MEX3A: variants seen among roughly 807,000 people sequenced by gnomAD.
MEX3A encodes the protein RNA-binding protein MEX3A.
Under a neutral mutation model 30.0 loss-of-function variants are expected in MEX3A, and 4 were observed. The observed-to-expected ratio is 0.13, with a 90% CI of 0.07 to 0.30. MEX3A has a LOEUF of 0.30. MEX3A is among the 10% of genes least tolerant of loss of function. The pLI is 1.00. For missense variants in MEX3A, 555 were observed against 736.7 expected, an observed-to-expected ratio of 0.75 and a Z score of 2.86; for synonymous variants, 335 against 327.6, an observed-to-expected ratio of 1.02 and a Z score of -0.24.
At position 156,076,763 on chromosome 1, in the gene MEX3A, G is replaced by A. The variant is rs932897145; in HGVS notation, c.1374C>T (p.Gly458=). The A allele has an allele frequency of 3.8e-6, 6 of 1,595,304 alleles. No homozygotes were observed. The East Asian group carries it at 9.1e-5, about 24-fold the overall frequency. Residue 458 remains glycine, a synonymous_variant, in exon 2 of 2, where the codon GGC becomes GGT. Transcript: ENST00000532414. This position sits in a 1 kb window ranked among gnomAD's most constrained non-coding sequence, Gnocchi z 6.0. ...PLQGFSKLGG[G]GLRSPGGGRD... ...GCCCGCCGCCGGGGCTCCGCAGGCC[G>A]CCCCCACCAAGTTTAGAGAAGCCCT...
rs942091656 is a variant in MEX3A at position 156,072,070 on chromosome 1, C to T, written c.*4504G>A. The T allele has an allele frequency of 1.3e-5, 2 of 152,780 alleles. No homozygotes were observed. Among genetic ancestry groups the T allele is most frequent in the South Asian group, 4.1e-4 (2 of 4,832 alleles). 9.5% of individuals were successfully genotyped at this position (152,780 alleles called of 1,614,324 possible). On this transcript the variant is annotated 3_prime_UTR_variant, in exon 2 of 2. Transcript: ENST00000532414. ...CTTAATAGCACATTTAATACATTAA[C>T]CCTCCCCCTTCTTGGTTTCTCTGCA... is the stretch of plus-strand genomic sequence containing the variant.
Position 156,073,294 on chromosome 1 carries a change from CCT to C in MEX3A, c.*3278_*3279del, listed in dbSNP as rs1037984165. On this transcript the variant is annotated 3_prime_UTR_variant, in exon 2 of 2. Transcript: ENST00000532414. ...CTCCTCTGCTGCCCCCAACCCAGCC[CCT>C]GTCTTATTGAGATGATCAGTGTGCA... 3.9e-5 allele frequency: 6 copies of C among 152,796 alleles called. No homozygotes were observed. The highest frequency in any genetic ancestry group is 7.2e-5 in the African/African-American group (3 of 41,422). The allele number at this position is 152,796 out of a possible 1,614,324, so 9.5% of individuals were successfully genotyped here.
At position 156,082,170 on chromosome 1, in the gene MEX3A, C is replaced by G. The variant is rs1407322090; in HGVS notation, c.-172G>C. 6.6e-6 allele frequency among the ~76,000 whole-genome samples: 1 copy of G among 150,854 alleles called. No homozygotes were observed. The highest frequency in any genetic ancestry group is 1.5e-5 in the Non-Finnish European group (1 of 67,510). ...CGAGATAGAAAGATAGACCCTCCCC[C>G]TAAGCCCCCCTCCCCAAACACCCTG... On this transcript the variant is annotated 5_prime_UTR_variant, in exon 1 of 2. Coordinates refer to ENST00000532414, the MANE Select transcript of MEX3A (RefSeq NM_001093725.2).
rs1247996352 is a variant in MEX3A at position 156,073,002 on chromosome 1, G to C, written c.*3572C>G. On this transcript the variant is annotated 3_prime_UTR_variant, in exon 2 of 2. Coordinates refer to ENST00000532414, the MANE Select transcript of MEX3A (RefSeq NM_001093725.2). ...CTAAGTGGAAAGCTGGATGGGAACA[G>C]GGGTAGGGGACTGATCGCCTCAGTG... is the stretch of plus-strand genomic sequence containing the variant. 1 of 152,442 alleles carries C rather than the reference G, an allele frequency of 6.6e-6. No individual in the cohort carries two copies. Among genetic ancestry groups the C allele is most frequent in the African/African-American group, 2.4e-5 (1 of 41,458 alleles). The allele number at this position is 152,442 out of a possible 1,614,324, so 9.4% of individuals were successfully genotyped here. A position where few individuals can be genotyped will look rare whatever the true frequency, so the allele number is the denominator to read the frequency against.
chr1:156,079,046 C>T (rs979882946), intron 1 of MEX3A, among the ~76,000 whole-genome samples: 1 of 152,142 alleles, frequency 6.6e-6, no homozygotes, highest in South Asian at 2.1e-4. Flanking sequence ...CTCTCTCCAA[C>T]CGAAACCAAG....
rs1648012161 is a variant in MEX3A at position 156,074,825 on chromosome 1, G to A, written c.*1749C>T. 1 of 152,748 alleles carries A rather than the reference G, an allele frequency of 6.5e-6. No homozygotes were observed. Among genetic ancestry groups the A allele is most frequent in the Non-Finnish European group, 1.5e-5 (1 of 68,034 alleles). The allele number at this position is 152,748 out of a possible 1,614,324, so 9.5% of individuals were successfully genotyped here. A position where few individuals can be genotyped will look rare whatever the true frequency, so the allele number is the denominator to read the frequency against. On this transcript the variant is annotated 3_prime_UTR_variant, in exon 2 of 2. Transcript: ENST00000532414. ...ACCCCTCCCTGGCTGGTGTTCTGGA[G>A]GGGAAGGCTGTGGAGAGGTGTTAAT...
At position 156,075,999 on chromosome 1, in the gene MEX3A, T is replaced by A. The variant is rs1648052898; in HGVS notation, c.*575A>T. The A allele has an allele frequency of 6.6e-6, 1 of 152,360 alleles. No homozygotes were observed. The highest frequency in any genetic ancestry group is 1.5e-5 in the Non-Finnish European group (1 of 68,208). 9.4% of individuals were successfully genotyped at this position (152,360 alleles called of 1,614,324 possible). ...GCTTCTCTCCCCAACCCCTAGAAGATCTATGCAACTTCTGATAGGACTCCA... is the reference window on the plus strand; with the variant it reads ...GCTTCTCTCCCCAACCCCTAGAAGAACTATGCAACTTCTGATAGGACTCCA... On this transcript the variant is annotated 3_prime_UTR_variant, in exon 2 of 2. Transcript: ENST00000532414.
In MEX3A at chr1:156,081,805, C is replaced by G. The variant is rs1339091674; in HGVS notation, c.194G>C (p.Gly65Ala). Residue 65 changes from glycine to alanine, a missense_variant, in exon 1 of 2, where the codon GGG (glycine) becomes GCG (alanine). Around this residue, in one of 6 missense-constraint regions of MEX3A, gnomAD observed 159 missense variants for 159.9 expected, o/e 0.99. Coordinates refer to ENST00000532414, the MANE Select transcript of MEX3A (RefSeq NM_001093725.2). Reference protein sequence around the residue: ...APTAGEDGGGGGGGAPAQPAA... With the variant: ...APTAGEDGGGAGGGAPAQPAA... The stretch of plus-strand genomic sequence containing the variant: ...CGGCTGCGCGGGGGCGCCGCCCCCC[C>G]CACCTCCCCCGTCCTCGCCCGCCGT... The G allele has an allele frequency of 8.4e-7, 1 of 1,191,988 alleles. No individual in the cohort carries two copies. Among genetic ancestry groups the G allele is most frequent in the South Asian group, 2.7e-5 (1 of 36,848 alleles). 73.8% of individuals were successfully genotyped at this position (1,191,988 alleles called of 1,614,324 possible). A position where few individuals can be genotyped will look rare whatever the true frequency, so the allele number is the denominator to read the frequency against.
Position 156,081,770 on chromosome 1 carries a change from G to C in MEX3A, c.229C>G (p.Pro77Ala), listed in dbSNP as rs1558102661. The part of the protein sequence containing the change: ...GGAPAQPAAP[P>A]QPAPPPPPAA... ...GGCGGCGGCGGCGGGGCCGGCTGCG[G>C]GGGGGCGGCCGGCTGCGCGGGGGCG... The change falls in exon 1 of 2, where the codon CCG becomes GCG. Residue 77 changes from proline (P) to alanine (A), a missense_variant. Pro to Ala is a conservative substitution (Grantham distance 27). Transcript: ENST00000532414. 1.2e-6 allele frequency: 1 copy of C among 804,934 alleles called. No homozygotes were observed. The highest frequency in any genetic ancestry group is 1.5e-6 in the Non-Finnish European group (1 of 663,330). The allele number at this position is 804,934 out of a possible 1,614,324, so 49.9% of individuals were successfully genotyped here.
intron 1 of MEX3A, among the ~76,000 whole-genome samples, chr1:156,078,422 C>G (rs1000134001): frequency 6.6e-6 from 1 of 152,090 alleles, no homozygotes; most frequent in South Asian, 2.1e-4. Context: ...GTGCCCAACC[C>G]CGTGTCACTC....
chr1:156,078,641 G>C (rs1354162535), intron 1 of MEX3A, among the ~76,000 whole-genome samples: 2 of 152,144 alleles, frequency 1.3e-5, no homozygotes, highest in Non-Finnish European at 2.9e-5. Flanking sequence ...GGGCTATTCT[G>C]TTTCTAAAAG....
rs376188928 is a variant in MEX3A, at chr1:156,076,977, G to A, written c.1160C>T (p.Thr387Ile). Residue 387 changes from threonine to isoleucine, a missense_variant, in exon 2 of 2, where the codon ACT (threonine) becomes ATT (isoleucine). Physicochemically the swap from Thr to Ile is moderately conservative, Grantham distance 89. Transcript: ENST00000532414. This position sits in a 1 kb window ranked among gnomAD's most constrained non-coding sequence, Gnocchi z 6.0. Reference sequence around the variant, plus strand: ...CTGGCCCGCCCACAGCGGGGGGCTAGTCTCGGCCACGCCGTAGTACACATC... The same window carrying A: ...CTGGCCCGCCCACAGCGGGGGGCTAATCTCGGCCACGCCGTAGTACACATC... ...KQDVYYGVAE[T>I]SPPLWAGQEN... The A allele has an allele frequency of 3.1e-6, 5 of 1,612,364 alleles. No individual in the cohort carries two copies. In the African/African-American group the frequency reaches 5.3e-5, roughly 17 times the overall value.
In MEX3A at chr1:156,082,267, A is replaced by ATCTCC. The variant is rs1192977162; in HGVS notation, c.-274_-270dup. ...AAGAGAAGCAAAACCAAGAAAGCAGATCTCCTCTCCTCTCCGGGGGTGACG... is the reference window on the plus strand; with the variant it reads ...AAGAGAAGCAAAACCAAGAAAGCAGATCTCCTCTCCTCTCCTCTCCGGGGGTGACG... On this transcript the variant is annotated 5_prime_UTR_variant, in exon 1 of 2. Transcript: ENST00000532414. 1.5e-5 allele frequency among the ~76,000 whole-genome samples: 2 copies of ATCTCC among 131,808 alleles called. No individual in the cohort carries two copies. Among genetic ancestry groups the ATCTCC allele is most frequent in the African/African-American group, 5.9e-5 (2 of 34,102 alleles). The allele number at this position is 131,808 out of a possible 152,430, so 86.5% of individuals were successfully genotyped here.
rs1648118683 is a variant in MEX3A at position 156,077,985 on chromosome 1, C to T, written c.455-303G>A. Among the ~76,000 whole-genome samples, 1 of 152,162 alleles carries T rather than the reference C, an allele frequency of 6.6e-6. No individual in the cohort carries two copies. Among genetic ancestry groups the T allele is most frequent in the Non-Finnish European group, 1.5e-5 (1 of 68,036 alleles). ...CAAAACCCCCAAATAATCACTGACCCTCCCATACAAGCTGGTAACTCAAAT... is the reference window on the plus strand; with the variant it reads ...CAAAACCCCCAAATAATCACTGACCTTCCCATACAAGCTGGTAACTCAAAT... On this transcript the variant is annotated intron_variant, in intron 1 of 1. Transcript: ENST00000532414. This position sits in a 1 kb window ranked among gnomAD's most constrained non-coding sequence, Gnocchi z 8.3.
At chr1:156,081,439 G>T in intron 1 of MEX3A, 106 bp downstream of exon 1, 1 of 981,456 alleles carries the variant, frequency 1.0e-6, no homozygotes. Flanking sequence ...TTGTGGGGAA[G>T]GGACAGAGCC....
At position 156,077,765 on chromosome 1, in the gene MEX3A, C is replaced by G. The variant is rs1260293020; in HGVS notation, c.455-83G>C. 19 of 1,466,886 alleles carry G rather than the reference C, an allele frequency of 1.3e-5. No homozygotes were observed. The highest frequency in any genetic ancestry group is 1.5e-5 in the Non-Finnish European group (17 of 1,113,918). 90.9% of individuals were successfully genotyped at this position (1,466,886 alleles called of 1,614,324 possible). A position where few individuals can be genotyped will look rare whatever the true frequency, so the allele number is the denominator to read the frequency against. ...GGGACCAATAAATTCCTGATCCTTACCCAAATACCTAGCCTCCCAGGAACA... is the reference window on the plus strand; with the variant it reads ...GGGACCAATAAATTCCTGATCCTTAGCCAAATACCTAGCCTCCCAGGAACA... On this transcript the variant is annotated intron_variant, in intron 1 of 1. Coordinates refer to ENST00000532414, the MANE Select transcript of MEX3A (RefSeq NM_001093725.2). This position sits in a 1 kb window ranked among gnomAD's most constrained non-coding sequence, Gnocchi z 8.3.
chr1:156,081,994 G>T lies in MEX3A; in HGVS notation c.5C>A (p.Pro2His). 6.6e-7 allele frequency: 1 copy of T among 1,519,092 alleles called. No individual in the cohort carries two copies. The highest frequency in any genetic ancestry group is 8.8e-7 in the Non-Finnish European group (1 of 1,130,960). 94.1% of individuals were successfully genotyped at this position (1,519,092 alleles called of 1,614,324 possible). A position where few individuals can be genotyped will look rare whatever the true frequency, so the allele number is the denominator to read the frequency against. Reference sequence around the variant, plus strand: ...CATTATTCCAGATACCACTAGACTAGGCATGGCGAAACAAAAGCTGGGGGA... The same window carrying T: ...CATTATTCCAGATACCACTAGACTATGCATGGCGAAACAAAAGCTGGGGGA... M[P>H]SLVVSGIMER... Residue 2 changes from proline (P) to histidine (H), a missense_variant, in exon 1 of 2, where the codon CCT becomes CAT. By Grantham distance (77) the Pro-to-His change is moderately conservative. Around this residue, in one of 6 missense-constraint regions of MEX3A, gnomAD observed 159 missense variants for 159.9 expected, o/e 0.99. Coordinates refer to ENST00000532414, the MANE Select transcript of MEX3A (RefSeq NM_001093725.2).
chr1:156,074,039 C>T lies in MEX3A; in HGVS notation c.*2535G>A, dbSNP rs1054534003. 2.0e-5 allele frequency: 3 copies of T among 152,488 alleles called. No homozygotes were observed. Among genetic ancestry groups the T allele is most frequent in the Non-Finnish European group, 4.4e-5 (3 of 68,016 alleles). The allele number at this position is 152,488 out of a possible 1,614,324, so 9.4% of individuals were successfully genotyped here. A position where few individuals can be genotyped will look rare whatever the true frequency, so the allele number is the denominator to read the frequency against. The stretch of plus-strand genomic sequence containing the variant: ...CAGGAGGGACCGGGTTCCCCCAGCT[C>T]CTCTCTCCACCATTCACCCCCGGGA... On this transcript the variant is annotated 3_prime_UTR_variant, in exon 2 of 2. Transcript: ENST00000532414.
At position 156,073,574 on chromosome 1, in the gene MEX3A, C is replaced by T. The variant is rs1323497782; in HGVS notation, c.*3000G>A. Reference sequence around the variant, plus strand: ...GCCCTCAATGCTACTAAACTTTAAGCTATCTTAATATTGTCTACTAAGTAA... The same window carrying T: ...GCCCTCAATGCTACTAAACTTTAAGTTATCTTAATATTGTCTACTAAGTAA... On this transcript the variant is annotated 3_prime_UTR_variant, in exon 2 of 2. Coordinates refer to ENST00000532414, the MANE Select transcript of MEX3A (RefSeq NM_001093725.2). 1 of 152,650 alleles carries T rather than the reference C, an allele frequency of 6.6e-6. No individual in the cohort carries two copies. The highest frequency in any genetic ancestry group is 6.5e-5 in the Admixed American group (1 of 15,270). The allele number at this position is 152,650 out of a possible 1,614,324, so 9.5% of individuals were successfully genotyped here.
Sources: allele counts gnomAD v4.1 joint callset (sites outside exome capture counted in the v4.1 genomes callset), GRCh38; gene constraint gnomAD v4.1.1; regional missense constraint gnomAD v4.1.1; non-coding constraint Gnocchi (gnomAD v3.1); transcripts MANE v1.5; gene names NCBI Gene and HGNC (gene_info 2026-07-23, HGNC 2026-07-21).